UMAD1: variants seen among roughly 807,000 people sequenced by gnomAD.
UMAD1 encodes the protein UBAP1-MVB12-associated (UMA) domain containing 1, also known as UBAP1-MVB12-associated (UMA)-domain containing protein 1.
In UMAD1, 8 loss-of-function variants were observed where a neutral mutation model predicts 6.1. That is an observed-to-expected ratio of 1.30 (90% confidence interval 0.76 to 2.35). The LOEUF (loss-of-function observed/expected upper bound fraction) is 2.35. Among genes scored for constraint, UMAD1 ranks in the 30% most tolerant of loss-of-function variants. UMAD1 has a pLI of 0.00. For missense variants in UMAD1, 130 were observed against 78.4 expected, an observed-to-expected ratio of 1.66 and a Z score of -2.49; for synonymous variants, 56 against 31.4, an observed-to-expected ratio of 1.78 and a Z score of -2.61.
chr7:7,848,898 A>G (rs1278770051), intron 3 of UMAD1, among the ~76,000 whole-genome samples: 1 of 152,174 alleles, frequency 6.6e-6, no homozygotes, highest in African/African-American at 2.4e-5. Context: ...CAAGGATAAC[A>G]ATACAATTTC....
chr7:7,818,199 T>C (rs1320367894), intron 3 of UMAD1, among the ~76,000 whole-genome samples: 1 of 152,204 alleles, frequency 6.6e-6, no homozygotes, highest in Non-Finnish European at 1.5e-5. Flanking sequence ...GTTCTCATCA[T>C]TTTAACACCC....
Position 7,872,796 on chromosome 7 carries a change from C to T in UMAD1, c.157-4485C>T, listed in dbSNP as rs547316276. On this transcript the variant is annotated intron_variant, in intron 3 of 3. Transcript: ENST00000682710. The stretch of plus-strand genomic sequence containing the variant: ...TTTTGTTTAAAAAAGGAGATGATTT[C>T]GCTAATGAAACTCTAGAACATTCTA... 1.5e-4 allele frequency among the ~76,000 whole-genome samples: 23 copies of T among 152,212 alleles called. No individual in the cohort carries two copies. The East Asian group carries it at 3.1e-3, about 20-fold the overall frequency.
chr7:7,861,081 AG>A (rs1177134966), intron 3 of UMAD1, among the ~76,000 whole-genome samples: 1 of 152,192 alleles, frequency 6.6e-6, no homozygotes, highest in Non-Finnish European at 1.5e-5. Context: ...GTTTACAAAA[AG>A]CTTACCCAGG....
At chr7:7,663,419 G>T (rs1472996643) in intron 1 of UMAD1, among the ~76,000 whole-genome samples, 2 of 152,066 alleles carry the variant, frequency 1.3e-5, no homozygotes, top group African/African-American at 4.8e-5. Flanking sequence ...CAGTTTAAAT[G>T]TCTTCTCTTG....
At chr7:7,683,142 T>G (rs1779953572) in intron 2 of UMAD1, among the ~76,000 whole-genome samples, 1 of 152,224 alleles carries the variant, frequency 6.6e-6, no homozygotes, top group Admixed American at 6.5e-5. Flanking sequence ...TTGGCACAGT[T>G]AATTGTGGGA....
At chr7:7,832,697 C>G (rs1167782632) in intron 3 of UMAD1, among the ~76,000 whole-genome samples, 1 of 152,124 alleles carries the variant, frequency 6.6e-6, no homozygotes, top group African/African-American at 2.4e-5. Context: ...ACCATGCTAC[C>G]ACGAAGGGGG....
At chr7:7,740,639 A>T (rs1293057831) in intron 2 of UMAD1, 1 of 152,174 alleles carries the variant, frequency 6.6e-6, no homozygotes, top group Non-Finnish European at 1.5e-5. Flanking sequence ...TGCCTTTTGC[A>T]TTGCCCTTTC....
chr7:7,714,827 C>T (rs1380011562), intron 2 of UMAD1, among the ~76,000 whole-genome samples: 2 of 147,412 alleles, frequency 1.4e-5, no homozygotes, highest in Admixed American at 6.7e-5. Flanking sequence ...TTTATTTCCT[C>T]ATGAACTGGT....
chr7:7,665,467 A>G (rs1779419571), intron 1 of UMAD1, among the ~76,000 whole-genome samples: 1 of 152,226 alleles, frequency 6.6e-6, no homozygotes, highest in Non-Finnish European at 1.5e-5. Flanking sequence ...AATTTTCCCA[A>G]TAATTGTGAA....
intron 2 of UMAD1, among the ~76,000 whole-genome samples, chr7:7,788,003 A>T (rs997300499): frequency 6.6e-6 from 1 of 152,200 alleles, no homozygotes; most frequent in Non-Finnish European, 1.5e-5. Flanking sequence ...TCTCTTGATC[A>T]TACCATGTTT....
chr7:7,665,728 T>C (rs75436076), intron 1 of UMAD1, among the ~76,000 whole-genome samples: 1,898 of 152,260 alleles, frequency 0.012, 48 homozygotes, highest in African/African-American at 0.044. Context: ...TCTGATATAC[T>C]TTCTTTCACT....
intron 2 of UMAD1, among the ~76,000 whole-genome samples, chr7:7,793,199 A>G (rs546911575): frequency 6.6e-6 from 1 of 152,322 alleles, no homozygotes. Context: ...TAATCTTTAT[A>G]ACAGCCTTAG....
intron 3 of UMAD1, among the ~76,000 whole-genome samples, chr7:7,861,841 A>C (rs541875104): frequency 2.6e-5 from 4 of 152,230 alleles, no homozygotes; most frequent in African/African-American, 9.6e-5. Context: ...TTCTAAGTAC[A>C]TACTAAGTAT....
intron 1 of UMAD1, among the ~76,000 whole-genome samples, chr7:7,643,043 TG>T (rs1259432562): frequency 1.3e-5 from 2 of 151,918 alleles, no homozygotes; most frequent in African/African-American, 2.4e-5. Context: ...TAGGCATGAG[TG>T]GGACAGTAGT....
chr7:7,744,691 G>A (rs35562533), intron 2 of UMAD1, among the ~76,000 whole-genome samples: 78,621 of 151,284 alleles, frequency 0.52, 21,097 homozygotes, highest in African/African-American at 0.63. Flanking sequence ...TGATGTTTTC[G>A]TGTGCTTATT....
In UMAD1 at chr7:7,734,454, T is replaced by C. The variant is rs148706259; in HGVS notation, c.82+61001T>C. Reference sequence around the variant, plus strand: ...ATAAGAAGCTTAATACTTTTGAAATTATCTTTTCTATTTAATTAAGCTGTA... The same window carrying C: ...ATAAGAAGCTTAATACTTTTGAAATCATCTTTTCTATTTAATTAAGCTGTA... On this transcript the variant is annotated intron_variant, in intron 2 of 3. Transcript: ENST00000682710. 7.3e-4 allele frequency among the ~76,000 whole-genome samples: 111 copies of C among 152,312 alleles called. 1 individual carries two copies. The highest frequency in any genetic ancestry group is 3.4e-3 in the Middle Eastern group (1 of 294).
intron 2 of UMAD1, among the ~76,000 whole-genome samples, chr7:7,721,866 G>A (rs1781056437): frequency 6.6e-6 from 1 of 152,158 alleles, no homozygotes; most frequent in South Asian, 2.1e-4. Flanking sequence ...ATTTGAGTCA[G>A]TGGGTTGGGA....
chr7:7,802,170 G>C (rs779397655), intron 3 of UMAD1, among the ~76,000 whole-genome samples: 1 of 152,200 alleles, frequency 6.6e-6, no homozygotes, highest in Non-Finnish European at 1.5e-5. Flanking sequence ...ACGAGGTCAA[G>C]AGATCAAGAC....
chr7:7,659,003 G>A (rs1583702518), intron 1 of UMAD1, among the ~76,000 whole-genome samples: 1 of 152,122 alleles, frequency 6.6e-6, no homozygotes, highest in Admixed American at 6.6e-5. Context: ...GGTCTATTCA[G>A]GGATTCGACT....
Sources: allele counts gnomAD v4.1 joint callset (sites outside exome capture counted in the v4.1 genomes callset), GRCh38; gene constraint gnomAD v4.1.1; transcripts MANE v1.5; gene names NCBI Gene and HGNC (gene_info 2026-07-23, HGNC 2026-07-21).